PRDM10: variants seen among roughly 807,000 people sequenced by gnomAD.
PRDM10 encodes PR domain zinc finger protein 10.
PRDM10 carries 65 observed loss-of-function variants against 133.1 expected under a neutral mutation model. That is an observed-to-expected ratio of 0.49 (90% CI 0.40 to 0.60). The LOEUF (loss-of-function observed/expected upper bound fraction) is 0.60. Among genes scored for constraint, PRDM10 ranks in the 20% least tolerant of loss-of-function variants. The probability of loss-of-function intolerance (pLI) is 0.00; values close to 1 mark genes in which losing one functional copy is unlikely to be tolerated. For missense variants in PRDM10, 1,137 were observed against 1,507.1 expected, an observed-to-expected ratio of 0.75 and a Z score of 4.07; for synonymous variants, 582 against 580.4, an observed-to-expected ratio of 1.00 and a Z score of -0.04.
At chr11:129,983,704 A>C (rs1938248398) in intron 1 of PRDM10, among the ~76,000 whole-genome samples, 1 of 152,226 alleles carries the variant, frequency 6.6e-6, no homozygotes, top group East Asian at 1.9e-4. Context: ...GAGAAGGCTT[A>C]GGATGGAATA....
rs1261639172 is a variant in PRDM10 at position 129,905,699 on chromosome 11, A to G, written c.3206T>C (p.Val1069Ala). Residue 1069 changes from valine (V) to alanine (A), a missense_variant, in exon 20 of 21, where the codon GTG becomes GCG. Val to Ala is a moderately conservative substitution (Grantham distance 64). Around this residue, in one of 6 missense-constraint regions of PRDM10, gnomAD observed 243 missense variants for 259.2 expected, o/e 0.94. Coordinates refer to ENST00000360871, the MANE Select transcript of PRDM10 (RefSeq NM_199437.2). ...QMMTLPPGQFVITDSGVATPV... is the reference protein window; with the variant it reads ...QMMTLPPGQFAITDSGVATPV... Reference sequence around the variant, plus strand: ...AGTTGCCACACCACTGTCTGTAATCACAAACTGACCCGGAGGAAGCGTCAT... The same window carrying G: ...AGTTGCCACACCACTGTCTGTAATCGCAAACTGACCCGGAGGAAGCGTCAT... The G allele has an allele frequency of 6.2e-7, 1 of 1,614,206 alleles. No homozygotes were observed. Among genetic ancestry groups the G allele is most frequent in the East Asian group, 2.2e-5 (1 of 44,884 alleles).
rs1328912494 is a variant in PRDM10, at chr11:129,902,452, C to T, written c.3332G>A (p.Gly1111Asp). 9 of 1,614,086 alleles carry T rather than the reference C, an allele frequency of 5.6e-6. No homozygotes were observed. The highest frequency in any genetic ancestry group is 7.6e-6 in the Non-Finnish European group (9 of 1,180,010). Residue 1111 changes from glycine to aspartate, a missense_variant, in exon 21 of 21, where the codon GGT (glycine) becomes GAT (aspartate). By Grantham distance (94) the Gly-to-Asp change is moderately conservative. Around this residue, in one of 6 missense-constraint regions of PRDM10, gnomAD observed 243 missense variants for 259.2 expected, o/e 0.94. Coordinates refer to ENST00000360871, the MANE Select transcript of PRDM10 (RefSeq NM_199437.2). Reference sequence around the variant, plus strand: ...TGCAGGTGGCTCGACCTGGACTCCACCAGAGAGGGCAGAAGTTTGCTTTTC... The same window carrying T: ...TGCAGGTGGCTCGACCTGGACTCCATCAGAGAGGGCAGAAGTTTGCTTTTC... The part of the protein sequence containing the change: ...LEEKQTSALS[G>D]GVQVEPPAHS...
chr11:129,908,613 G>C (rs555387997), intron 19 of PRDM10, among the ~76,000 whole-genome samples: 1 of 152,270 alleles, frequency 6.6e-6, no homozygotes, highest in East Asian at 1.9e-4. Context: ...TAACTGCTGA[G>C]GCTGGACAAT....
intron 1 of PRDM10, among the ~76,000 whole-genome samples, chr11:129,992,112 T>A (rs976320973): frequency 6.6e-6 from 1 of 152,226 alleles, no homozygotes; most frequent in Non-Finnish European, 1.5e-5. Context: ...TTCACTCAGG[T>A]GTACCTACAA....
Position 129,902,226 on chromosome 11 carries a change from C to T in PRDM10, c.*87G>A. 6.8e-7 allele frequency: 1 copy of T among 1,475,296 alleles called. No homozygotes were observed. The highest frequency in any genetic ancestry group is 9.2e-7 in the Non-Finnish European group (1 of 1,089,110). The allele number at this position is 1,475,296 out of a possible 1,614,324, so 91.4% of individuals were successfully genotyped here. ...CCGAACTCTTGAGTGAATAATAAAT[C>T]TTACAAAAGAGCTCTACGTGTCAGA... On this transcript the variant is annotated 3_prime_UTR_variant, in exon 21 of 21. Transcript: ENST00000360871.
intron 1 of PRDM10, among the ~76,000 whole-genome samples, chr11:130,000,854 C>A (rs1939320209): frequency 6.6e-6 from 1 of 152,224 alleles, no homozygotes; most frequent in Non-Finnish European, 1.5e-5. Flanking sequence ...TGCCTGCAAT[C>A]CCAGCACTTA....
At chr11:129,912,061 C>CAA in intron 18 of PRDM10, 24 bp downstream of exon 18, 1 of 1,575,746 alleles carries the variant, frequency 6.3e-7, no homozygotes, top group Non-Finnish European at 8.6e-7. Flanking sequence ...ATAACACCTC[C>CAA]AAATAGTCTG....
At chr11:129,935,424 A>G (rs1212872601) in intron 8 of PRDM10, among the ~76,000 whole-genome samples, 18 of 152,210 alleles carry the variant, frequency 1.2e-4, no homozygotes, top group Admixed American at 1.2e-3. Context: ...TTTCTAATGC[A>G]TCCATACAAG....
At chr11:130,002,656 C>T (rs938366063) in intron 1 of PRDM10, 66 bp downstream of exon 1, 3 of 153,262 alleles carry the variant, frequency 2.0e-5, no homozygotes, top group Non-Finnish European at 4.4e-5. Context: ...GACGAAACAC[C>T]CTCCCAGTCT....
chr11:129,993,606 T>A (rs1050017946), intron 1 of PRDM10, among the ~76,000 whole-genome samples: 1 of 152,112 alleles, frequency 6.6e-6, no homozygotes, highest in African/African-American at 2.4e-5. Flanking sequence ...TGCCTCAGCC[T>A]CCCGAGTAGC....
intron 4 of PRDM10, among the ~76,000 whole-genome samples, chr11:129,953,597 T>A (rs1461500234): frequency 6.6e-6 from 1 of 152,164 alleles, no homozygotes; most frequent in Non-Finnish European, 1.5e-5. Context: ...ACATGTTTTT[T>A]AAGAGAAAAC....
Position 129,988,909 on chromosome 11 carries a change from G to A in PRDM10, c.-119+13813C>T, listed in dbSNP as rs532639402. Among the ~76,000 whole-genome samples the A allele has an allele frequency of 2.0e-4, 30 of 152,276 alleles. No individual in the cohort carries two copies. The South Asian group carries it at 4.1e-3, about 21-fold the overall frequency. On this transcript the variant is annotated intron_variant, in intron 1 of 20. Coordinates refer to ENST00000360871, the MANE Select transcript of PRDM10 (RefSeq NM_199437.2). ...CTCCCAAAGTGCTGGGATTACAGGC[G>A]TGAGCCACTGCGCCCGGCCAAGTCA...
At chr11:129,972,757 G>T (rs1303013304) in intron 1 of PRDM10, among the ~76,000 whole-genome samples, 7 of 152,158 alleles carry the variant, frequency 4.6e-5, no homozygotes, top group Non-Finnish European at 1.0e-4. Context: ...CTTTCTTTAA[G>T]CTTGTGGCCC....
chr11:129,973,370 A>G (rs1937615472), intron 1 of PRDM10, among the ~76,000 whole-genome samples: 1 of 152,258 alleles, frequency 6.6e-6, no homozygotes, highest in Non-Finnish European at 1.5e-5. Context: ...GAGCTAAGGA[A>G]ACCAATGAGG....
intron 1 of PRDM10, among the ~76,000 whole-genome samples, chr11:129,973,419 G>T (rs975488260): frequency 6.6e-6 from 1 of 152,168 alleles, no homozygotes; most frequent in Non-Finnish European, 1.5e-5. Flanking sequence ...GCAAGAACTG[G>T]CACAAGACAA....
At chr11:130,000,272 G>A (rs1437162920) in intron 1 of PRDM10, among the ~76,000 whole-genome samples, 4 of 152,138 alleles carry the variant, frequency 2.6e-5, no homozygotes, top group Non-Finnish European at 5.9e-5. Context: ...TCGAACTCCT[G>A]ACCTCAGGTG....
At position 129,931,261 on chromosome 11, in the gene PRDM10, G is replaced by T; in HGVS notation, c.1288-3C>A. 4 of 1,613,126 alleles carry T rather than the reference G, an allele frequency of 2.5e-6. No individual in the cohort carries two copies. Among genetic ancestry groups the T allele is most frequent in the Non-Finnish European group, 3.4e-6 (4 of 1,179,364 alleles). On this transcript the variant is annotated splice_region_variant and splice_polypyrimidine_tract_variant and intron_variant, in intron 10 of 20. Transcript: ENST00000360871. ...TTTGTGGGAAAATGTAGCAAGTCCT[G>T]AAATTTGCAATAACCAGGAATAGAG...
chr11:129,991,251 T>C (rs1274880415), intron 1 of PRDM10, among the ~76,000 whole-genome samples: 1 of 152,256 alleles, frequency 6.6e-6, no homozygotes, highest in African/African-American at 2.4e-5. Flanking sequence ...AATTAAAAGA[T>C]ATTTTAATAC....
rs190292861 is a variant in PRDM10 at position 129,969,292 on chromosome 11, T to C, written c.-118-8210A>G. Among the ~76,000 whole-genome samples the C allele has an allele frequency of 2.5e-3, 386 of 152,330 alleles. 2 individuals are homozygous for C. Among genetic ancestry groups the C allele is most frequent in the Non-Finnish European group, 3.5e-3 (236 of 68,028 alleles). ...AATTAGTCTCCATTTAAAGAAATGA[T>C]ACTTGGGCTTGGTTTAAGTGAGTTA... On this transcript the variant is annotated intron_variant, in intron 1 of 20. Transcript: ENST00000360871.
Sources: gnomAD v4.1 joint callset for allele counts (sites outside exome capture counted in the v4.1 genomes callset) on GRCh38, gnomAD v4.1.1 for gene constraint, gnomAD v4.1.1 regional missense constraint, MANE v1.5 for transcripts, NCBI Gene and HGNC (gene_info 2026-07-23, HGNC 2026-07-21) for gene names.